TMEM260: variants seen among roughly 807,000 people sequenced by gnomAD.
TMEM260 encodes the protein transmembrane protein 260, also known as protein O-mannosyl-transferase TMEM260.
Under a neutral mutation model 88.9 loss-of-function variants are expected in TMEM260, and 82 were observed. The ratio of observed to expected loss-of-function variants is 0.92; its 90% CI spans 0.77 to 1.11. TMEM260 has a LOEUF of 1.11. TMEM260 is among the 50% of genes least tolerant of loss of function. The pLI is 0.00. For synonymous variants in TMEM260, 314 were observed against 309.3 expected (o/e 1.02, Z -0.16); for missense variants, 902 against 853.4 (o/e 1.06, Z -0.71).
At chr14:56,655,458 G>A (rs1385516446), downstream of TMEM260, among the ~76,000 whole-genome samples, 2 of 151,370 alleles carry the variant, frequency 1.3e-5, no homozygotes, top group African/African-American at 4.9e-5. Flanking sequence ...CTCAAGAAAC[G>A]AAAATCCCCT....
chr14:56,596,627 G>T (rs1415838423), intron 3 of TMEM260, among the ~76,000 whole-genome samples: 1 of 150,280 alleles, frequency 6.7e-6, no homozygotes. Context: ...GCCAGGCGTG[G>T]TGGTGCATGC....
At chr14:56,645,590 A>G (rs1371979142) in intron 15 of TMEM260, among the ~76,000 whole-genome samples, 1 of 152,082 alleles carries the variant, frequency 6.6e-6, no homozygotes, top group African/African-American at 2.4e-5. Context: ...ACATGTATAC[A>G]TATGTAACAA....
chr14:56,653,559 C>T (rs1024824801), downstream of TMEM260, among the ~76,000 whole-genome samples: 10 of 151,882 alleles, frequency 6.6e-5, no homozygotes, highest in South Asian at 2.1e-3. Context: ...CATGGCAAAA[C>T]CCCATCTCTA....
intron 15 of TMEM260, among the ~76,000 whole-genome samples, chr14:56,640,219 G>A (rs553725113): frequency 2.2e-3 from 330 of 152,296 alleles, no homozygotes; most frequent in Non-Finnish European, 4.0e-3. Flanking sequence ...CCTGACCCCC[G>A]AGTAGCCTAA....
intron 3 of TMEM260, among the ~76,000 whole-genome samples, chr14:56,596,423 TATAC>T (rs200813662): frequency 0.025 from 3,539 of 139,110 alleles, 149 homozygotes; most frequent in African/African-American, 0.09. Context: ...TATATATATA[TATAC>T]ATACACACAC....
the TMEM260 span, among the ~76,000 whole-genome samples, chr14:56,661,844 A>G: frequency 6.6e-6 from 1 of 152,198 alleles, no homozygotes; most frequent in South Asian, 2.1e-4. Flanking sequence ...TCCCGTCCAC[A>G]CATGTGTATG....
At chr14:56,640,656 C>T (rs952845251) in intron 15 of TMEM260, among the ~76,000 whole-genome samples, 4 of 152,124 alleles carry the variant, frequency 2.6e-5, no homozygotes, top group African/African-American at 4.8e-5. Flanking sequence ...ATGACTTTGA[C>T]GAGTTGAGAG....
At chr14:56,655,134 G>A (rs1890278014), downstream of TMEM260, among the ~76,000 whole-genome samples, 1 of 152,060 alleles carries the variant, frequency 6.6e-6, no homozygotes, top group Admixed American at 6.5e-5. Flanking sequence ...GCTCACTCCT[G>A]TAATCCCAGC....
At chr14:56,606,100 A>G (rs1323237112) in intron 5 of TMEM260, among the ~76,000 whole-genome samples, 1 of 152,206 alleles carries the variant, frequency 6.6e-6, no homozygotes, top group East Asian at 1.9e-4. Context: ...TCAACAAAAC[A>G]GACATCGCTT....
Position 56,585,002 on chromosome 14 carries a change from G to A in TMEM260, c.162G>A (p.Gly54=), listed in dbSNP as rs1257483336. The stretch of plus-strand genomic sequence containing the variant: ...TGGTTTTACATTATTTTTTCACAGG[G>A]GAACTGATCACAGCCGCACATGAGC... ...LPPSVPGGDS[G]ELITAAHELG... is the part of the protein sequence containing the mutation. The change falls in exon 2 of 16, where the codon GGG becomes GGA. Residue 54 remains glycine (G), a splice_region_variant and synonymous_variant. Coordinates refer to ENST00000261556, the MANE Select transcript of TMEM260 (RefSeq NM_017799.4). 1.2e-6 allele frequency: 2 copies of A among 1,611,086 alleles called. No individual in the cohort carries two copies. The highest frequency in any genetic ancestry group is 1.1e-5 in the South Asian group (1 of 90,598).
chr14:56,639,447 T>A (rs913859305), intron 15 of TMEM260, among the ~76,000 whole-genome samples: 3 of 152,202 alleles, frequency 2.0e-5, no homozygotes. Flanking sequence ...ACTGTGTACC[T>A]GCAAAAATTA....
At chr14:56,584,264 A>C (rs763735964) in intron 1 of TMEM260, among the ~76,000 whole-genome samples, 2 of 152,132 alleles carry the variant, frequency 1.3e-5, no homozygotes, top group Non-Finnish European at 2.9e-5. Context: ...TCATTCATCA[A>C]TATTGATTCC....
intron 3 of TMEM260, among the ~76,000 whole-genome samples, chr14:56,589,370 A>G (rs1163486393): frequency 2.6e-5 from 4 of 152,264 alleles, no homozygotes; most frequent in East Asian, 1.9e-4. Flanking sequence ...TCATTCCACA[A>G]TATTTGTTGA....
chr14:56,632,330 C>A (rs150606271), intron 12 of TMEM260, among the ~76,000 whole-genome samples: 2,872 of 152,208 alleles, frequency 0.019, 30 homozygotes, highest in Non-Finnish European at 0.031. Flanking sequence ...GAGATTTGCC[C>A]CACACTCTTG....
intron 15 of TMEM260, among the ~76,000 whole-genome samples, chr14:56,646,314 A>ATGTC (rs1307874729): frequency 6.6e-6 from 1 of 152,206 alleles, no homozygotes; most frequent in African/African-American, 2.4e-5. Context: ...AAATTATGTA[A>ATGTC]TGTCTAATTC....
chr14:56,607,850 G>C (rs2139563706), intron 5 of TMEM260, among the ~76,000 whole-genome samples: 1 of 152,198 alleles, frequency 6.6e-6, no homozygotes, highest in Admixed American at 6.5e-5. Context: ...GTTAGGATTA[G>C]GAGCCACTTA....
At chr14:56,656,553 G>A in the TMEM260 span, among the ~76,000 whole-genome samples, 6 of 152,128 alleles carry the variant, frequency 3.9e-5, no homozygotes, top group Admixed American at 3.9e-4. Context: ...ATTGAACAGT[G>A]CCTATATAGA....
At chr14:56,638,383 T>C (rs1447044219) in intron 15 of TMEM260, 2 of 152,194 alleles carry the variant, frequency 1.3e-5, no homozygotes, top group African/African-American at 2.4e-5. Flanking sequence ...TAATCCTGTT[T>C]ATCTCTAATA....
At chr14:56,611,076 C>T (rs534491516) in intron 6 of TMEM260, among the ~76,000 whole-genome samples, 3 of 151,128 alleles carry the variant, frequency 2.0e-5, no homozygotes, top group East Asian at 2.0e-4. Context: ...AAGTGATTCT[C>T]CTGCCTCAGC....
Sources: allele counts gnomAD v4.1 joint callset (sites outside exome capture counted in the v4.1 genomes callset), GRCh38; gene constraint gnomAD v4.1.1; transcripts MANE v1.5; gene names NCBI Gene and HGNC (gene_info 2026-07-23, HGNC 2026-07-21).